FHIT: variants seen among roughly 807,000 people sequenced by gnomAD.
The protein encoded by FHIT is bis(5'-adenosyl)-triphosphatase.
Under a neutral mutation model 17.9 loss-of-function variants are expected in FHIT, and 19 were observed. The ratio of observed to expected loss-of-function variants is 1.06; its 90% confidence interval spans 0.74 to 1.56. The LOEUF (loss-of-function observed/expected upper bound fraction) is 1.56, where lower values mean the gene tolerates loss of function less well. FHIT is among the 40% of genes most tolerant of loss of function. The pLI, the probability that FHIT is intolerant of heterozygous loss-of-function variation, is 0.00. For synonymous variants in FHIT, 81 were observed against 69.7 expected (o/e 1.16, Z -0.81); for missense variants, 248 against 189.2 (o/e 1.31, Z -1.82).
chr3:61,154,329 T>A (rs893708255), intron 2 of FHIT, among the ~76,000 whole-genome samples: 1 of 151,940 alleles, frequency 6.6e-6, no homozygotes, highest in Non-Finnish European at 1.5e-5. Context: ...AGGGGCAGTA[T>A]CAGGAAGAAT....
intron 5 of FHIT, among the ~76,000 whole-genome samples, chr3:60,258,191 T>C (rs978519136): frequency 1.3e-5 from 2 of 151,982 alleles, no homozygotes; most frequent in Non-Finnish European, 2.9e-5. Context: ...CAATAAAATT[T>C]CCCTTCCTGG....
intron 5 of FHIT, among the ~76,000 whole-genome samples, chr3:60,231,414 A>G (rs1559747104): frequency 6.6e-6 from 1 of 152,168 alleles, no homozygotes; most frequent in Non-Finnish European, 1.5e-5. Flanking sequence ...AGTATTACCA[A>G]CACCTCAGAG....
chr3:59,793,061 T>A (rs1214290732), intron 8 of FHIT, among the ~76,000 whole-genome samples: 2 of 152,140 alleles, frequency 1.3e-5, no homozygotes, highest in East Asian at 3.9e-4. Context: ...GCCCAGATCA[T>A]CATTTTCTTT....
chr3:60,099,540 C>T (rs140691712), intron 5 of FHIT, among the ~76,000 whole-genome samples: 72 of 152,252 alleles, frequency 4.7e-4, no homozygotes, highest in African/African-American at 1.7e-3. Flanking sequence ...GTCCTTCTAA[C>T]ACTGTGACCC....
In FHIT at chr3:59,833,666, G is replaced by A. The variant is rs137890875; in HGVS notation, c.349-81345C>T. On this transcript the variant is annotated intron_variant, in intron 8 of 9. Transcript: ENST00000492590. Reference sequence around the variant, plus strand: ...GTGAATTTTTACCAACAGATCCCATGGAAAACTTCTGATGGAAATCACTAT... The same window carrying A: ...GTGAATTTTTACCAACAGATCCCATAGAAAACTTCTGATGGAAATCACTAT... Among the ~76,000 whole-genome samples the A allele has an allele frequency of 1.8e-3, 281 of 152,254 alleles. 7 individuals carry two copies. Among genetic ancestry groups the A allele is most frequent in the East Asian group, 7.1e-3 (37 of 5,182 alleles).
intron 5 of FHIT, among the ~76,000 whole-genome samples, chr3:60,049,472 G>C (rs2106872704): frequency 6.6e-6 from 1 of 151,798 alleles, no homozygotes; most frequent in East Asian, 1.9e-4. Flanking sequence ...TTTTTCAGTT[G>C]TACATTTTAT....
chr3:60,002,517 T>A (rs1699769222), intron 7 of FHIT, among the ~76,000 whole-genome samples: 1 of 152,214 alleles, frequency 6.6e-6, no homozygotes, highest in Non-Finnish European at 1.5e-5. Context: ...CTAACATAAT[T>A]GACTTAGAAG....
intron 5 of FHIT, among the ~76,000 whole-genome samples, chr3:60,266,359 C>G (rs904321202): frequency 2.0e-5 from 3 of 152,048 alleles, no homozygotes; most frequent in Non-Finnish European, 4.4e-5. Flanking sequence ...GATATAAAAA[C>G]ATAAAATGGA....
At chr3:59,833,824 C>T (rs1701248526) in intron 8 of FHIT, among the ~76,000 whole-genome samples, 1 of 152,120 alleles carries the variant, frequency 6.6e-6, no homozygotes, top group African/African-American at 2.4e-5. Flanking sequence ...TTCCTCCATG[C>T]TGTTCTTGTG....
intron 1 of FHIT, among the ~76,000 whole-genome samples, chr3:61,250,389 A>G (rs1487875655): frequency 2.0e-5 from 3 of 152,230 alleles, no homozygotes; most frequent in Admixed American, 1.3e-4. Flanking sequence ...AGTATTTTCT[A>G]TTGGTCCCAG....
intron 3 of FHIT, among the ~76,000 whole-genome samples, chr3:60,941,166 T>C (rs1553774443): frequency 2.0e-5 from 3 of 152,198 alleles, no homozygotes. Flanking sequence ...CATGTCCCCA[T>C]TCAGACTGGC....
At chr3:59,958,660 T>A (rs1707520577) in intron 7 of FHIT, among the ~76,000 whole-genome samples, 1 of 152,162 alleles carries the variant, frequency 6.6e-6, no homozygotes, top group Non-Finnish European at 1.5e-5. Context: ...AATGCCTTGG[T>A]GAAATAATGA....
Position 60,801,590 on chromosome 3 carries a change from A to C in FHIT, c.-18+20329T>G, listed in dbSNP as rs184966479. Among the ~76,000 whole-genome samples the C allele has an allele frequency of 3.4e-3, 514 of 152,298 alleles. 3 individuals carry two copies. The highest frequency in any genetic ancestry group is 5.9e-3 in the Non-Finnish European group (399 of 68,038). ...GTCTTGGGCTATCTGCCTGATACAC[A>C]TTTTCAGTTAGGCACGTCATGTGAC... On this transcript the variant is annotated intron_variant, in intron 4 of 9. Transcript: ENST00000492590.
At chr3:59,978,682 T>C (rs1708519455) in intron 7 of FHIT, among the ~76,000 whole-genome samples, 1 of 149,924 alleles carries the variant, frequency 6.7e-6, no homozygotes, top group Non-Finnish European at 1.5e-5. Context: ...TGCAAAACTA[T>C]GTGCATATGC....
intron 8 of FHIT, among the ~76,000 whole-genome samples, chr3:59,799,117 C>A (rs1346903469): frequency 6.7e-6 from 1 of 150,324 alleles, no homozygotes; most frequent in Non-Finnish European, 1.5e-5. Flanking sequence ...TATTTTTTAA[C>A]TCAGTTTTAA....
intron 3 of FHIT, among the ~76,000 whole-genome samples, chr3:60,952,185 A>G (rs1166895592): frequency 1.3e-5 from 2 of 148,148 alleles, no homozygotes; most frequent in African/African-American, 5.2e-5. Flanking sequence ...CCCCCAAAAA[A>G]AAAAAAGAGA....
rs182159229 is a variant in FHIT at position 60,991,051 on chromosome 3, A to T, written c.-111+50996T>A. Among the ~76,000 whole-genome samples, 11 of 152,346 alleles carry T rather than the reference A, an allele frequency of 7.2e-5. No homozygotes were observed. The East Asian group carries it at 2.1e-3, about 29-fold the overall frequency. ...TAGTAGTAAGTGTTGGGAAAAAAAT[A>T]AAGTAAGTCAACGTGATAGAGAGAC... On this transcript the variant is annotated intron_variant, in intron 3 of 9. Coordinates refer to ENST00000492590, the MANE Select transcript of FHIT (RefSeq NM_002012.4).
rs572562872 is a variant in FHIT, at chr3:60,849,794, T to C, written c.-110-27783A>G. On this transcript the variant is annotated intron_variant, in intron 3 of 9. Transcript: ENST00000492590. ...TTGCCATGCTTTCTCTCTCTCTCCC[T>C]ATATCCCATGTCTCTCCAAGGAGCA... Among the ~76,000 whole-genome samples, 5 of 152,132 alleles carry C rather than the reference T, an allele frequency of 3.3e-5. No individual in the cohort carries two copies. In the South Asian group the frequency reaches 1.0e-3, roughly 32 times the overall value.
intron 4 of FHIT, among the ~76,000 whole-genome samples, chr3:60,820,573 A>C (rs533356456): frequency 6.6e-6 from 1 of 152,246 alleles, no homozygotes; most frequent in Admixed American, 6.5e-5. Flanking sequence ...CAGTTCTACA[A>C]CTCTAGGGGC....
Sources: gnomAD v4.1 joint callset for allele counts (sites outside exome capture counted in the v4.1 genomes callset) on GRCh38, gnomAD v4.1.1 for gene constraint, MANE v1.5 for transcripts, NCBI Gene and HGNC (gene_info 2026-07-23, HGNC 2026-07-21) for gene names.